PCDHGB1: variants seen among roughly 807,000 people sequenced by gnomAD.
PCDHGB1 encodes protocadherin gamma-B1.
Under a neutral mutation model 56.6 loss-of-function variants are expected in PCDHGB1, and 34 were observed. The observed-to-expected ratio is 0.60, with a 90% CI of 0.46 to 0.80. The LOEUF is 0.80. PCDHGB1 is among the 30% of genes least tolerant of loss of function. PCDHGB1 has a pLI of 0.00. For missense variants in PCDHGB1, 1,278 were observed against 1,204.6 expected, an observed-to-expected ratio of 1.06 and a Z score of -0.90; for synonymous variants, 561 against 505.9, an observed-to-expected ratio of 1.11 and a Z score of -1.46.
At position 141,389,550 on chromosome 5, in the gene PCDHGB1, A is replaced by T. The variant is rs767434946; in HGVS notation, c.2409+36881A>T. The T allele has an allele frequency of 3.7e-6, 6 of 1,613,098 alleles. No individual in the cohort carries two copies. The African/African-American group carries it at 4.0e-5, about 11-fold the overall frequency. On this transcript the variant is annotated intron_variant, in intron 1 of 3. Transcript: ENST00000523390. ...CGTGTTAGTGGACGACCGCAACGAC[A>T]ATGCGCCACGGGTGCTGTACCCCGC...
chr5:141,480,453 A>G (rs1033797238), intron 1 of PCDHGB1, among the ~76,000 whole-genome samples: 1 of 152,182 alleles, frequency 6.6e-6, no homozygotes, highest in African/African-American at 2.4e-5. Context: ...AATTATTTTT[A>G]TTAGTTCCTC....
intron 2 of PCDHGB1, among the ~76,000 whole-genome samples, chr5:141,498,404 C>T (rs1283586713): frequency 6.6e-6 from 1 of 152,104 alleles, no homozygotes; most frequent in African/African-American, 2.4e-5. Context: ...AGGGAGTTTT[C>T]TCTTTGCTGG....
chr5:141,466,203 C>G (rs1291051063), intron 1 of PCDHGB1, among the ~76,000 whole-genome samples: 1 of 151,914 alleles, frequency 6.6e-6, no homozygotes, highest in Non-Finnish European at 1.5e-5. Context: ...CACAGCCTTG[C>G]TCTGTTACCC....
chr5:141,397,284 C>G (rs185201660), intron 1 of PCDHGB1, among the ~76,000 whole-genome samples: 47 of 152,188 alleles, frequency 3.1e-4, no homozygotes, highest in African/African-American at 1.1e-3. Context: ...GGGCAGTATA[C>G]TTGAATGAAT....
rs1303365585 is a variant in PCDHGB1 at position 141,511,350 on chromosome 5, C to A, written c.*177C>A. 2.1e-5 allele frequency: 30 copies of A among 1,397,076 alleles called. No individual in the cohort carries two copies. Among genetic ancestry groups the A allele is most frequent in the African/African-American group, 1.7e-4 (12 of 68,780 alleles). The allele number at this position is 1,397,076 out of a possible 1,614,324, so 86.5% of individuals were successfully genotyped here. Reference sequence around the variant, plus strand: ...CCCAGTCAGCACCTACCCCTTCCCCCCCAGGGGGTTGAATATGCAAAAGCA... The same window carrying A: ...CCCAGTCAGCACCTACCCCTTCCCCACCAGGGGGTTGAATATGCAAAAGCA... On this transcript the variant is annotated 3_prime_UTR_variant, in exon 4 of 4. Transcript: ENST00000523390.
intron 1 of PCDHGB1, among the ~76,000 whole-genome samples, chr5:141,354,813 T>C (rs1228624896): frequency 6.6e-6 from 1 of 152,188 alleles, no homozygotes; most frequent in Non-Finnish European, 1.5e-5. Context: ...TTCATAAAGT[T>C]TATTGTACAG....
chr5:141,357,723 T>C, intron 1 of PCDHGB1: 2 of 1,391,112 alleles, frequency 1.4e-6, no homozygotes, highest in Admixed American at 5.3e-5. Flanking sequence ...AAGTTGCCTC[T>C]TTTAATATTT....
chr5:141,372,607 G>A, intron 1 of PCDHGB1: 1 of 1,614,000 alleles, frequency 6.2e-7, no homozygotes, highest in South Asian at 1.1e-5. Context: ...ACTGTACCTG[G>A]AGTTCTCCCC....
At position 141,392,919 on chromosome 5, in the gene PCDHGB1, C is replaced by T. The variant is rs1220575114; in HGVS notation, c.2409+40250C>T. On this transcript the variant is annotated intron_variant, in intron 1 of 3. Coordinates refer to ENST00000523390, the MANE Select transcript of PCDHGB1 (RefSeq NM_018922.3). The stretch of plus-strand genomic sequence containing the variant: ...GAGGGGACAGATTCGCTACTCTGTG[C>T]CAGAAGAGACGGACAAAGGCTCCTT... 5.0e-6 allele frequency: 8 copies of T among 1,613,762 alleles called. No individual in the cohort carries two copies. The African/African-American group carries it at 1.1e-4, about 22-fold the overall frequency.
chr5:141,419,333 A>G, intron 1 of PCDHGB1: 2 of 1,613,804 alleles, frequency 1.2e-6, no homozygotes, highest in South Asian at 1.1e-5. Context: ...CTACTCTCTC[A>G]TTGCCAGCGA....
chr5:141,504,988 C>T (rs886919738), intron 2 of PCDHGB1, among the ~76,000 whole-genome samples: 2 of 152,036 alleles, frequency 1.3e-5, no homozygotes, highest in African/African-American at 4.8e-5. Context: ...ATGGTGAAAC[C>T]CCGTCTGTAC....
chr5:141,419,777 C>T (rs976849391), intron 1 of PCDHGB1: 3 of 1,614,054 alleles, frequency 1.9e-6, no homozygotes, highest in Admixed American at 3.3e-5. Flanking sequence ...CTCGGTCCGC[C>T]AGCGCCTGCT....
At chr5:141,408,856 G>T in intron 1 of PCDHGB1, 1 of 1,613,518 alleles carries the variant, frequency 6.2e-7, no homozygotes, top group Non-Finnish European at 8.5e-7. Flanking sequence ...TGGACGGAGG[G>T]GACCCACCAA....
At chr5:141,458,219 C>T (rs2098940224) in intron 1 of PCDHGB1, among the ~76,000 whole-genome samples, 1 of 152,248 alleles carries the variant, frequency 6.6e-6, no homozygotes, top group African/African-American at 2.4e-5. Flanking sequence ...AATAAGTTTC[C>T]TTTCCCAGTC....
At chr5:141,421,633 G>A (rs1369645749) in intron 1 of PCDHGB1, 3 of 1,613,834 alleles carry the variant, frequency 1.9e-6, no homozygotes, top group Non-Finnish European at 2.5e-6. Context: ...CAGCTTCCAG[G>A]AGGACGAAGT....
At chr5:141,403,662 A>T in intron 1 of PCDHGB1, 1 of 1,613,902 alleles carries the variant, frequency 6.2e-7, no homozygotes, top group Non-Finnish European at 8.5e-7. Context: ...GATACAAATG[A>T]TAATGCCCCG....
chr5:141,408,439 G>A (rs1057408625), intron 1 of PCDHGB1: 4 of 1,613,950 alleles, frequency 2.5e-6, no homozygotes, highest in Non-Finnish European at 3.4e-6. Flanking sequence ...GCGTAGACGC[G>A]GAGAGCGGGG....
Position 141,477,650 on chromosome 5 carries a change from A to C in PCDHGB1, c.2410-17157A>C. The C allele has an allele frequency of 6.2e-7, 1 of 1,614,210 alleles. No homozygotes were observed. Among genetic ancestry groups the C allele is most frequent in the Non-Finnish European group, 8.5e-7 (1 of 1,180,036 alleles). On this transcript the variant is annotated intron_variant, in intron 1 of 3. Coordinates refer to ENST00000523390, the MANE Select transcript of PCDHGB1 (RefSeq NM_018922.3). The surrounding 1 kb of genome is among the most constrained non-coding windows in gnomAD (Gnocchi z 4.9). The stretch of plus-strand genomic sequence containing the variant: ...CGGGCTAGTGGGTCGCTATTTCACA[A>C]TAAATCGTGACAATGGCATAGTGTC...
intron 2 of PCDHGB1, among the ~76,000 whole-genome samples, chr5:141,495,912 CTT>C (rs1210428397): frequency 6.6e-6 from 1 of 152,140 alleles, no homozygotes; most frequent in Admixed American, 6.6e-5. Flanking sequence ...CTCTGTATAT[CTT>C]TCTTTGTCTC....
Sources: allele counts gnomAD v4.1 joint callset (sites outside exome capture counted in the v4.1 genomes callset), GRCh38; gene constraint gnomAD v4.1.1; non-coding constraint Gnocchi (gnomAD v3.1); transcripts MANE v1.5; gene names NCBI Gene and HGNC (gene_info 2026-07-23, HGNC 2026-07-21).